HIVEP3: variants seen among roughly 807,000 people sequenced by gnomAD.
HIVEP3 encodes the protein HIVEP zinc finger 3.
In HIVEP3, 49 loss-of-function variants were observed where a neutral mutation model predicts 152.8. That is an observed-to-expected ratio of 0.32 (90% CI 0.26 to 0.41). The LOEUF is 0.41. Among genes scored for constraint, HIVEP3 ranks in the 10% least tolerant of loss-of-function variants. The pLI is 1.00. For synonymous variants in HIVEP3, 1,269 were observed against 1,289.0 expected (o/e 0.98, Z 0.33); for missense variants, 2,790 against 3,103.3 (o/e 0.90, Z 2.40).
At chr1:41,825,928 G>A (rs1172921811) in intron 1 of HIVEP3, among the ~76,000 whole-genome samples, 2 of 151,944 alleles carry the variant, frequency 1.3e-5, no homozygotes, top group Non-Finnish European at 2.9e-5. Context: ...TTTTTGACCT[G>A]ACCTCCTGGG....
chr1:41,609,523 A>C (rs1444487441), intron 3 of HIVEP3, among the ~76,000 whole-genome samples: 4 of 152,092 alleles, frequency 2.6e-5, no homozygotes, highest in Admixed American at 2.6e-4. Flanking sequence ...AGATTCAGCG[A>C]GCTATCTACA....
intron 1 of HIVEP3, among the ~76,000 whole-genome samples, chr1:41,934,583 C>A (rs1162363095): frequency 6.6e-6 from 1 of 152,102 alleles, no homozygotes; most frequent in Non-Finnish European, 1.5e-5. Flanking sequence ...TCTTTTGCAA[C>A]AGCAAACAGA....
chr1:42,035,315 G>A (rs919812997), intron 1 of HIVEP3, among the ~76,000 whole-genome samples: 1 of 152,240 alleles, frequency 6.6e-6, no homozygotes, highest in African/African-American at 2.4e-5. Context: ...TTCTGGAAGG[G>A]AAACCTGGAC....
Position 41,511,549 on chromosome 1 carries a change from T to C in HIVEP3, c.6406-283A>G, listed in dbSNP as rs1366338136. ...GCATATCTGTCTTCAAAGGAGGGGATACTTGAGCGACGTGGGGCCCTGTTG... is the reference window on the plus strand; with the variant it reads ...GCATATCTGTCTTCAAAGGAGGGGACACTTGAGCGACGTGGGGCCCTGTTG... On this transcript the variant is annotated intron_variant, in intron 8 of 8. Coordinates refer to ENST00000372583, the MANE Select transcript of HIVEP3 (RefSeq NM_024503.5). The surrounding 1 kb of genome is among the most constrained non-coding windows in gnomAD (Gnocchi z 4.9). 6.6e-6 allele frequency among the ~76,000 whole-genome samples: 1 copy of C among 152,148 alleles called. No homozygotes were observed. Among genetic ancestry groups the C allele is most frequent in the East Asian group, 1.9e-4 (1 of 5,186 alleles).
At chr1:42,010,396 G>T (rs1570889751) in intron 1 of HIVEP3, among the ~76,000 whole-genome samples, 1 of 152,154 alleles carries the variant, frequency 6.6e-6, no homozygotes, top group Admixed American at 6.6e-5. Context: ...CTGTAGATTA[G>T]TATAGGTAGT....
chr1:41,772,585 G>A (rs1296423748), intron 1 of HIVEP3, among the ~76,000 whole-genome samples: 1 of 152,192 alleles, frequency 6.6e-6, no homozygotes, highest in Non-Finnish European at 1.5e-5. Context: ...CAGACCCGAT[G>A]TGGAGATCAG....
At chr1:41,903,582 C>A (rs943263227) in intron 1 of HIVEP3, among the ~76,000 whole-genome samples, 3 of 152,220 alleles carry the variant, frequency 2.0e-5, no homozygotes, top group Admixed American at 6.5e-5. Context: ...GACATTTATG[C>A]CTGGTTATGA....
chr1:42,031,725 G>A (rs572320172), intron 1 of HIVEP3, among the ~76,000 whole-genome samples: 3 of 152,216 alleles, frequency 2.0e-5, no homozygotes, highest in Admixed American at 1.3e-4. Flanking sequence ...CCCAAAAAAT[G>A]AGATTATACA....
chr1:41,790,361 C>T (rs937351506), intron 1 of HIVEP3, among the ~76,000 whole-genome samples: 1 of 152,130 alleles, frequency 6.6e-6, no homozygotes, highest in Non-Finnish European at 1.5e-5. Flanking sequence ...AGCCTGAAGC[C>T]CTCACCAGTA....
intron 1 of HIVEP3, among the ~76,000 whole-genome samples, chr1:41,846,134 G>A (rs74965666): frequency 3.9e-5 from 6 of 152,226 alleles, no homozygotes; most frequent in East Asian, 3.9e-4. Context: ...CTCAGCTCTC[G>A]TCCTCACATC....
chr1:41,570,921 A>C (rs1644242973), intron 5 of HIVEP3, among the ~76,000 whole-genome samples: 1 of 152,204 alleles, frequency 6.6e-6, no homozygotes, highest in Non-Finnish European at 1.5e-5. Context: ...AAACAGAGAA[A>C]TCTGGCAATA....
At chr1:41,861,998 G>A (rs1405019349) in intron 1 of HIVEP3, among the ~76,000 whole-genome samples, 1 of 152,114 alleles carries the variant, frequency 6.6e-6, no homozygotes, top group African/African-American at 2.4e-5. Flanking sequence ...TGGCCGGGGG[G>A]CGGATGAAGG....
intron 1 of HIVEP3, among the ~76,000 whole-genome samples, chr1:41,787,772 C>T (rs1486536597): frequency 4.0e-5 from 6 of 151,824 alleles, no homozygotes; most frequent in South Asian, 4.2e-4. Flanking sequence ...TGGGCTCAAG[C>T]GATCCTCTTG....
At chr1:41,754,059 A>G (rs192446451) in intron 1 of HIVEP3, among the ~76,000 whole-genome samples, 98 of 152,288 alleles carry the variant, frequency 6.4e-4, no homozygotes, top group African/African-American at 1.9e-3. Context: ...GGCAGAGAGA[A>G]CTGTCTTCCA....
chr1:41,791,828 C>A (rs1412662496), intron 1 of HIVEP3, among the ~76,000 whole-genome samples: 1 of 151,970 alleles, frequency 6.6e-6, no homozygotes, highest in Non-Finnish European at 1.5e-5. Flanking sequence ...CCCCTCCCCA[C>A]CCCCAAACCC....
chr1:41,824,445 T>G (rs1558301321), intron 1 of HIVEP3, among the ~76,000 whole-genome samples: 1 of 152,046 alleles, frequency 6.6e-6, no homozygotes, highest in Non-Finnish European at 1.5e-5. Flanking sequence ...TCCTTTTCAG[T>G]TCAAAACAGG....
chr1:41,926,065 A>T (rs1276008395), intron 1 of HIVEP3, among the ~76,000 whole-genome samples: 1 of 152,156 alleles, frequency 6.6e-6, no homozygotes, highest in East Asian at 1.9e-4. Context: ...CAGAGCAACG[A>T]GATAGAAGGA....
intron 1 of HIVEP3, among the ~76,000 whole-genome samples, chr1:42,018,552 C>G (rs781646439): frequency 6.6e-6 from 1 of 152,002 alleles, no homozygotes. Context: ...TTTCTAAATT[C>G]TCTAATCTGT....
Position 41,515,775 on chromosome 1 carries a change from G to A in HIVEP3, c.5471-2025C>T, listed in dbSNP as rs138983366. Among the ~76,000 whole-genome samples, 536 of 152,262 alleles carry A rather than the reference G, an allele frequency of 3.5e-3. 1 individual carries two copies. The highest frequency in any genetic ancestry group is 6.9e-3 in the African/African-American group (287 of 41,534). ...TGTCTGGTTTCCTCATCTGTAAACT[G>A]GGTAGCAATAAAAGCACTCTAGGAA... is the stretch of plus-strand genomic sequence containing the variant. On this transcript the variant is annotated intron_variant, in intron 7 of 8. Transcript: ENST00000372583.
Sources: gnomAD v4.1 joint callset for allele counts (sites outside exome capture counted in the v4.1 genomes callset) on GRCh38, gnomAD v4.1.1 for gene constraint, Gnocchi (gnomAD v3.1) non-coding constraint, MANE v1.5 for transcripts, NCBI Gene and HGNC (gene_info 2026-07-23, HGNC 2026-07-21) for gene names.